The following UIMC1 variants were observed in gnomAD, a reference collection of about 807,000 sequenced individuals.
UIMC1 encodes ubiquitin interaction motif containing 1, also known as BRCA1-A complex subunit RAP80.
Under a neutral mutation model 84.9 loss-of-function variants are expected in UIMC1, and 42 were observed. The observed-to-expected ratio is 0.49, with a 90% CI of 0.39 to 0.64. The LOEUF is 0.64. UIMC1 is among the 30% of genes least tolerant of loss of function. UIMC1 has a pLI of 0.00. For synonymous variants in UIMC1, 281 were observed against 293.0 expected (o/e 0.96, Z 0.42); for missense variants, 825 against 847.6 (o/e 0.97, Z 0.33).
intron 1 of UIMC1, among the ~76,000 whole-genome samples, chr5:176,998,100 G>C (rs1773895639): frequency 6.6e-6 from 1 of 152,010 alleles, no homozygotes; most frequent in Non-Finnish European, 1.5e-5. Flanking sequence ...AGAAATGTCT[G>C]TCTTTCTCAA....
chr5:176,911,089 C>CAAA (rs776646019), intron 11 of UIMC1, among the ~76,000 whole-genome samples: 42 of 58,610 alleles, frequency 7.2e-4, no homozygotes, highest in South Asian at 6.4e-3. Flanking sequence ...AACTTCATCT[C>CAAA]AAAAAAAAAA....
chr5:176,972,168 A>G (rs1769337456), intron 3 of UIMC1, among the ~76,000 whole-genome samples: 2 of 152,044 alleles, frequency 1.3e-5, no homozygotes, highest in Non-Finnish European at 2.9e-5. Flanking sequence ...TGGGAGGCCA[A>G]GGTAGGCGGA....
intron 1 of UIMC1, among the ~76,000 whole-genome samples, chr5:177,002,933 T>C (rs1206655941): frequency 6.6e-6 from 1 of 152,118 alleles, no homozygotes; most frequent in African/African-American, 2.4e-5. Context: ...TGCACTTTTG[T>C]CTCCTGACAT....
At position 176,977,998 on chromosome 5, in the gene UIMC1, C is replaced by T. The variant is rs564485343; in HGVS notation, c.148-2518G>A. ...CTAAGATTATTCCAGCTGCTTTTTT[C>T]TATTCTAAAGCAGAAAAAAAGACTT... On this transcript the variant is annotated intron_variant, in intron 2 of 14. Transcript: ENST00000511320. Among the ~76,000 whole-genome samples, 5 of 152,110 alleles carry T rather than the reference C, an allele frequency of 3.3e-5. No individual in the cohort carries two copies. The East Asian group carries it at 9.6e-4, about 29-fold the overall frequency.
At chr5:176,956,400 G>A (rs892878217) in intron 7 of UIMC1, among the ~76,000 whole-genome samples, 2 of 152,166 alleles carry the variant, frequency 1.3e-5, no homozygotes, top group African/African-American at 4.8e-5. Context: ...GCCTTCTGAA[G>A]GCTAGAGATT....
chr5:176,935,339 C>T (rs1224207402), intron 10 of UIMC1, among the ~76,000 whole-genome samples: 3 of 152,194 alleles, frequency 2.0e-5, no homozygotes, highest in Admixed American at 6.5e-5. Flanking sequence ...ACCCTCCCCT[C>T]TCAATCTCTA....
rs377331986 is a variant in UIMC1, at chr5:176,905,428, G to A, written c.2014C>T (p.Arg672Cys). Residue 672 changes from arginine (R) to cysteine (C), a missense_variant, in exon 15 of 15, where the codon CGT (arginine) becomes TGT (cysteine). Transcript: ENST00000511320. The part of the protein sequence containing the change: ...SREMQSSFTR[R>C]DLNESPVKSF... ...TTGACGGGAGATTCATTTAAGTCAC[G>A]ACGTGTGAAAGAACTCTGCATCTCT... 46 of 1,614,084 alleles carry A rather than the reference G, an allele frequency of 2.8e-5. No homozygotes were observed. The highest frequency in any genetic ancestry group is 1.2e-4 in the African/African-American group (9 of 75,012).
intron 2 of UIMC1, among the ~76,000 whole-genome samples, chr5:176,977,807 G>A (rs1770368013): frequency 6.6e-6 from 1 of 151,756 alleles, no homozygotes; most frequent in Non-Finnish European, 1.5e-5. Context: ...CTACTCCGCA[G>A]GCTGAGGCAG....
At chr5:176,920,936 G>A (rs1233075297) in intron 10 of UIMC1, among the ~76,000 whole-genome samples, 1 of 152,174 alleles carries the variant, frequency 6.6e-6, no homozygotes, top group Admixed American at 6.5e-5. Flanking sequence ...CCTCTATCAG[G>A]CTGAGGAAGT....
chr5:176,968,646 T>C lies in UIMC1; in HGVS notation c.1109A>G (p.His370Arg). 1.2e-6 allele frequency: 2 copies of C among 1,614,140 alleles called. No individual in the cohort carries two copies. Among genetic ancestry groups the C allele is most frequent in the Non-Finnish European group, 8.5e-7 (1 of 1,180,024 alleles). ...TTCCTGGAAATCCTTGGTTTTTGAG[T>C]GCCAGTCAGATGCCCTAGACTCCTG... ...ERQESRASDWHSKTKDFQESS... is the reference protein window; with the variant it reads ...ERQESRASDWRSKTKDFQESS... Residue 370 changes from histidine to arginine, a missense_variant, in exon 6 of 15, where the codon CAC (histidine) becomes CGC (arginine). Physicochemically the swap from His to Arg is conservative, Grantham distance 29. Coordinates refer to ENST00000511320, the MANE Select transcript of UIMC1 (RefSeq NM_001199298.2).
chr5:176,938,831 T>G (rs1267684233), intron 10 of UIMC1, among the ~76,000 whole-genome samples: 1 of 152,150 alleles, frequency 6.6e-6, no homozygotes, highest in Non-Finnish European at 1.5e-5. Flanking sequence ...AATTATTCAC[T>G]TGTGTCATCT....
intron 1 of UIMC1, among the ~76,000 whole-genome samples, chr5:176,986,033 CTT>C (rs1320917819): frequency 3.3e-5 from 5 of 151,814 alleles, no homozygotes; most frequent in African/African-American, 1.2e-4. Flanking sequence ...AGGAGGATCA[CTT>C]GAGGTCAGGA....
intron 6 of UIMC1, among the ~76,000 whole-genome samples, chr5:176,959,588 C>T (rs921181415): frequency 1.4e-4 from 21 of 151,546 alleles, no homozygotes; most frequent in African/African-American, 4.6e-4. Context: ...TAGTGGCAGG[C>T]GCCTGTAGTC....
chr5:176,971,457 T>C (rs1162825978), intron 3 of UIMC1, among the ~76,000 whole-genome samples: 6 of 152,146 alleles, frequency 3.9e-5, no homozygotes, highest in Non-Finnish European at 8.8e-5. Flanking sequence ...TAGACACTAC[T>C]AGACACTATT....
intron 10 of UIMC1, among the ~76,000 whole-genome samples, chr5:176,942,047 G>A (rs762483135): frequency 6.6e-6 from 1 of 152,088 alleles, no homozygotes; most frequent in East Asian, 1.9e-4. Flanking sequence ...GTTTCACCAC[G>A]TTGACCAGGC....
At chr5:176,921,946 C>T (rs991573253) in intron 10 of UIMC1, among the ~76,000 whole-genome samples, 7 of 152,144 alleles carry the variant, frequency 4.6e-5, no homozygotes, top group African/African-American at 1.7e-4. Flanking sequence ...TTCCCCCTGT[C>T]GCTCAATCTA....
intron 9 of UIMC1, among the ~76,000 whole-genome samples, chr5:176,945,808 G>C (rs111859323): frequency 6.6e-6 from 1 of 152,158 alleles, no homozygotes; most frequent in African/African-American, 2.4e-5. Flanking sequence ...TGTTTCCATG[G>C]ATTGTTTGTA....
upstream of UIMC1, among the ~76,000 whole-genome samples, chr5:177,007,453 G>T (rs1019098963): frequency 6.6e-6 from 1 of 151,756 alleles, no homozygotes. Flanking sequence ...AATGTGAACA[G>T]CAGAAATGTC....
intron 7 of UIMC1, among the ~76,000 whole-genome samples, chr5:176,957,540 G>A (rs184025220): frequency 8.5e-5 from 13 of 152,342 alleles, no homozygotes; most frequent in Admixed American, 8.5e-4. Context: ...GGAGATAGGA[G>A]GCACAAACGG....
Sources: allele counts gnomAD v4.1 joint callset (sites outside exome capture counted in the v4.1 genomes callset), GRCh38; gene constraint gnomAD v4.1.1; transcripts MANE v1.5; gene names NCBI Gene and HGNC (gene_info 2026-07-23, HGNC 2026-07-21).